The following SLC22A23 variants were observed in gnomAD, a reference collection of about 807,000 sequenced individuals.
SLC22A23 encodes ion transporter protein.
In SLC22A23, 26 loss-of-function variants were observed where a neutral mutation model predicts 61.0. The observed-to-expected ratio is 0.43, with a 90% confidence interval of 0.31 to 0.59. SLC22A23 has a LOEUF of 0.59. Ranked by LOEUF, SLC22A23 falls within the 20% of genes least tolerant of loss-of-function variation. The pLI, the probability that SLC22A23 is intolerant of heterozygous loss-of-function variation, is 0.11. For missense variants in SLC22A23, 796 were observed against 934.7 expected, an observed-to-expected ratio of 0.85 and a Z score of 1.94; for synonymous variants, 430 against 413.9, an observed-to-expected ratio of 1.04 and a Z score of -0.47.
chr6:3,450,014 G>GA (rs777775681), intron 1 of SLC22A23, among the ~76,000 whole-genome samples: 2 of 152,134 alleles, frequency 1.3e-5, no homozygotes, highest in Admixed American at 1.3e-4. Context: ...CAGCATAAGT[G>GA]AAAAAACAGT....
intron 3 of SLC22A23, among the ~76,000 whole-genome samples, chr6:3,338,641 G>A (rs1400753631): frequency 6.6e-6 from 1 of 152,166 alleles, no homozygotes; most frequent in Non-Finnish European, 1.5e-5. Context: ...TTATTGGCAG[G>A]GTCCCAGGTT....
intron 1 of SLC22A23, among the ~76,000 whole-genome samples, chr6:3,443,887 C>T (rs113299198): frequency 9.2e-5 from 14 of 152,158 alleles, no homozygotes; most frequent in African/African-American, 2.9e-4. Flanking sequence ...GAACCGAGCT[C>T]ACTTCTGGAG....
intron 6 of SLC22A23, 85 bp from the exon 7 acceptor site, chr6:3,287,176 G>T: frequency 7.8e-7 from 1 of 1,282,900 alleles, no homozygotes; most frequent in Admixed American, 2.0e-5. Flanking sequence ...GCTGTCAGGT[G>T]ACCAGGAGAT....
chr6:3,323,443 T>C (rs1404503007), intron 4 of SLC22A23: 2 of 422,028 alleles, frequency 4.7e-6, no homozygotes, highest in East Asian at 1.4e-4. Context: ...TAGGGGGACT[T>C]TTGTAAATCA....
At chr6:3,412,823 T>C (rs1424173711) in intron 2 of SLC22A23, among the ~76,000 whole-genome samples, 1 of 152,102 alleles carries the variant, frequency 6.6e-6, no homozygotes, top group Admixed American at 6.5e-5. Context: ...TGACTTGACA[T>C]TGCTGGCTCT....
chr6:3,289,672 C>CG, intron 6 of SLC22A23, 92 bp downstream of exon 6: 1 of 994,994 alleles, frequency 1.0e-6, no homozygotes, highest in South Asian at 1.5e-5. Flanking sequence ...CCAAGTTCAG[C>CG]GGGGTGGGGA....
chr6:3,293,695 C>T (rs1049883960), intron 5 of SLC22A23, among the ~76,000 whole-genome samples: 3 of 152,260 alleles, frequency 2.0e-5, no homozygotes, highest in Non-Finnish European at 4.4e-5. Context: ...TGGGGTCATA[C>T]CTTGCTTTCA....
chr6:3,300,422 G>T (rs911909872), intron 4 of SLC22A23, among the ~76,000 whole-genome samples: 43 of 152,290 alleles, frequency 2.8e-4, no homozygotes, highest in African/African-American at 9.6e-4. Flanking sequence ...AGTATTAAGA[G>T]ATAGGGCCTT....
At chr6:3,398,682 T>C (rs1768179221) in intron 3 of SLC22A23, among the ~76,000 whole-genome samples, 1 of 151,886 alleles carries the variant, frequency 6.6e-6, no homozygotes, top group Non-Finnish European at 1.5e-5. Context: ...CAACCCTCCC[T>C]GCCTCCTCAG....
Position 3,336,128 on chromosome 6 carries a change from G to C in SLC22A23, c.914-12126C>G, listed in dbSNP as rs113804242. Among the ~76,000 whole-genome samples the C allele has an allele frequency of 5.3e-5, 8 of 152,116 alleles. No individual in the cohort carries two copies. In the South Asian group the frequency reaches 1.7e-3, roughly 32 times the overall value. On this transcript the variant is annotated intron_variant, in intron 3 of 9. Coordinates refer to ENST00000406686, the MANE Select transcript of SLC22A23 (RefSeq NM_015482.2). Reference sequence around the variant, plus strand: ...AGAGAAATCTGGACTCTTCTCCTAGGAGTGCCTGCTGGAAGTTGTAGAAAA... The same window carrying C: ...AGAGAAATCTGGACTCTTCTCCTAGCAGTGCCTGCTGGAAGTTGTAGAAAA...
At chr6:3,337,045 C>A (rs1763897862) in intron 3 of SLC22A23, among the ~76,000 whole-genome samples, 1 of 152,100 alleles carries the variant, frequency 6.6e-6, no homozygotes, top group African/African-American at 2.4e-5. Context: ...TGAGCTCAAA[C>A]AATCTTCCTA....
chr6:3,324,280 T>A lies in SLC22A23; in HGVS notation c.914-278A>T, dbSNP rs565927961. ...GGAGCTTAGCTCAGAAACCAGGAAA[T>A]GGTACTGCCTATGGGACAGATCGCC... On this transcript the variant is annotated intron_variant, in intron 3 of 9. Coordinates refer to ENST00000406686, the MANE Select transcript of SLC22A23 (RefSeq NM_015482.2). The surrounding 1 kb of genome is among the most constrained non-coding windows in gnomAD (Gnocchi z 4.3). 5.3e-5 allele frequency: 24 copies of A among 454,184 alleles called. No homozygotes were observed. Among genetic ancestry groups the A allele is most frequent in the African/African-American group, 4.7e-4 (24 of 51,472 alleles). 28.1% of individuals were successfully genotyped at this position (454,184 alleles called of 1,614,324 possible).
chr6:3,407,166 A>G (rs982476661), intron 3 of SLC22A23, among the ~76,000 whole-genome samples: 23 of 152,208 alleles, frequency 1.5e-4, no homozygotes, highest in African/African-American at 5.5e-4. Context: ...CAAATAATCA[A>G]TGTCCCAAAG....
At chr6:3,310,695 AAAAAT>A (rs1173108082) in intron 4 of SLC22A23, among the ~76,000 whole-genome samples, 1 of 152,194 alleles carries the variant, frequency 6.6e-6, no homozygotes, top group Non-Finnish European at 1.5e-5. Flanking sequence ...CTTGACATCT[AAAAAT>A]AAAATAAATT....
rs148579458 is a variant in SLC22A23, at chr6:3,281,431, G to A, written c.1703+2421C>T. The stretch of plus-strand genomic sequence containing the variant: ...GCAGGCCTTTGTTGCTTTTTGTGGT[G>A]GAACAAGTATGAAAAGTATAAAAGC... On this transcript the variant is annotated intron_variant, in intron 9 of 9. Coordinates refer to ENST00000406686, the MANE Select transcript of SLC22A23 (RefSeq NM_015482.2). Among the ~76,000 whole-genome samples, 32 of 152,316 alleles carry A rather than the reference G, an allele frequency of 2.1e-4. No homozygotes were observed. In the East Asian group the frequency reaches 5.2e-3, roughly 25 times the overall value.
intron 8 of SLC22A23, 95 bp from the exon 9 acceptor site, chr6:3,284,070 G>T: frequency 2.0e-5 from 26 of 1,322,042 alleles, no homozygotes; most frequent in Non-Finnish European, 2.5e-5. Context: ...CTCCTTCCCA[G>T]TGTCCAGCTT....
intron 3 of SLC22A23, among the ~76,000 whole-genome samples, chr6:3,361,702 A>C (rs1765459285): frequency 6.6e-6 from 1 of 152,250 alleles, no homozygotes; most frequent in Admixed American, 6.5e-5. Context: ...CATGGGATCC[A>C]AGAAATACTG....
intron 1 of SLC22A23, chr6:3,445,061 C>G (rs146155357): frequency 1.3e-6 from 1 of 795,660 alleles, no homozygotes; most frequent in Non-Finnish European, 1.5e-6. Flanking sequence ...CTGCGTCTGT[C>G]CTCACAATGG....
chr6:3,426,925 T>G (rs1482140719), intron 1 of SLC22A23, among the ~76,000 whole-genome samples: 1 of 152,336 alleles, frequency 6.6e-6, no homozygotes, highest in East Asian at 1.9e-4. Flanking sequence ...CTTCATTGGG[T>G]TGGACTCTGG....
Sources: allele counts gnomAD v4.1 joint callset (sites outside exome capture counted in the v4.1 genomes callset), GRCh38; gene constraint gnomAD v4.1.1; non-coding constraint Gnocchi (gnomAD v3.1); transcripts MANE v1.5; gene names NCBI Gene and HGNC (gene_info 2026-07-23, HGNC 2026-07-21).